ZNF676: variants seen among roughly 807,000 people sequenced by gnomAD.
The protein encoded by ZNF676 is zinc finger protein 676.
Under a neutral mutation model 6.0 loss-of-function variants are expected in ZNF676, and 4 were observed. That is an observed-to-expected ratio of 0.67 (90% confidence interval 0.33 to 1.53). The LOEUF (loss-of-function observed/expected upper bound fraction) is 1.53. ZNF676 is among the 40% of genes most tolerant of loss of function. The pLI is 0.06. For missense variants in ZNF676, 644 were observed against 679.7 expected (o/e 0.95, Z 0.58); for synonymous variants, 198 against 223.1 (o/e 0.89, Z 1.00).
chr19:22,181,063 A>T lies in ZNF676; in HGVS notation c.654T>A (p.Ile218=). The change falls in exon 3 of 3, where the codon ATT becomes ATA. Residue 218 remains isoleucine (I), a synonymous_variant. Transcript: ENST00000397121. ...ATTTGTAGGGTTTCTCTCCAGTATGAATTACCTTATGTTTAGTAAGGATTG... is the reference window on the plus strand; with the variant it reads ...ATTTGTAGGGTTTCTCTCCAGTATGTATTACCTTATGTTTAGTAAGGATTG... The part of the protein sequence containing the change: ...KFSILTKHKV[I]HTGEKPYKCE... The T allele has an allele frequency of 6.4e-7, 1 of 1,574,174 alleles. No individual in the cohort carries two copies. Among genetic ancestry groups the T allele is most frequent in the East Asian group, 2.3e-5 (1 of 42,750 alleles).
chr19:22,216,481 CAACA>C (rs376890907), upstream of ZNF676, among the ~76,000 whole-genome samples: 85 of 152,124 alleles, frequency 5.6e-4, 1 homozygote, highest in East Asian at 0.013. Flanking sequence ...AAAAACAAAA[CAACA>C]AAAAAGCTAA....
upstream of ZNF676, among the ~76,000 whole-genome samples, chr19:22,218,126 A>G (rs897063821): frequency 6.6e-6 from 1 of 152,012 alleles, no homozygotes; most frequent in Non-Finnish European, 1.5e-5. Context: ...CCATTTGTAT[A>G]TCTTCTTTTG....
chr19:22,244,934 C>T, the ZNF676 span: 6 of 152,222 alleles, frequency 3.9e-5, no homozygotes, highest in African/African-American at 1.4e-4. Flanking sequence ...TGTCACAATC[C>T]TCTTCTTTGG....
chr19:22,251,071 G>C, the ZNF676 span, among the ~76,000 whole-genome samples: 31 of 152,286 alleles, frequency 2.0e-4, no homozygotes, highest in African/African-American at 6.7e-4. Context: ...CCCAAGAAGA[G>C]AGAAATTCAC....
At chr19:22,218,991 T>TAAA, upstream of ZNF676, among the ~76,000 whole-genome samples, 1 of 151,206 alleles carries the variant, frequency 6.6e-6, no homozygotes, top group Middle Eastern at 3.4e-3. Flanking sequence ...GCTCTCTTTT[T>TAAA]ATTTTATATA....
At chr19:22,183,816 G>C (rs1233617880) in intron 2 of ZNF676, among the ~76,000 whole-genome samples, 1 of 152,082 alleles carries the variant, frequency 6.6e-6, no homozygotes, top group African/African-American at 2.4e-5. Context: ...TTAAGTCAAA[G>C]ACTCATATTT....
the ZNF676 span, among the ~76,000 whole-genome samples, chr19:22,257,299 A>G: frequency 6.6e-6 from 1 of 152,122 alleles, no homozygotes; most frequent in African/African-American, 2.4e-5. Flanking sequence ...CACAACCCCT[A>G]CAAGATAGAT....
chr19:22,234,611 C>T, the ZNF676 span, among the ~76,000 whole-genome samples: 2 of 152,140 alleles, frequency 1.3e-5, no homozygotes, highest in Non-Finnish European at 2.9e-5. Flanking sequence ...GAGTAGTTAT[C>T]TGCAGAAAAT....
intron 1 of ZNF676, among the ~76,000 whole-genome samples, chr19:22,205,731 G>C (rs1035012460): frequency 2.6e-5 from 4 of 151,890 alleles, no homozygotes; most frequent in African/African-American, 9.7e-5. Flanking sequence ...TTAACAACCT[G>C]ACATCATAAA....
At chr19:22,211,517 C>T (rs281176) in intron 1 of ZNF676, among the ~76,000 whole-genome samples, 64,361 of 151,898 alleles carry the variant, frequency 0.42, 14,443 homozygotes, top group African/African-American at 0.58. Context: ...AAGGTGCTTA[C>T]CTTTTGTACC....
the ZNF676 span, among the ~76,000 whole-genome samples, chr19:22,248,076 T>A: frequency 1.4e-4 from 1 of 7,294 alleles, no homozygotes; most frequent in Non-Finnish European, 1.1e-3. Context: ...GGAAACGAAC[T>A]CATCATTTTT....
At chr19:22,249,650 G>A in the ZNF676 span, among the ~76,000 whole-genome samples, 1 of 152,066 alleles carries the variant, frequency 6.6e-6, no homozygotes, top group African/African-American at 2.4e-5. Flanking sequence ...GACCTCAGGT[G>A]ATCCATCAGC....
chr19:22,239,697 C>A, the ZNF676 span, among the ~76,000 whole-genome samples: 1 of 152,288 alleles, frequency 6.6e-6, no homozygotes, highest in Admixed American at 6.5e-5. Context: ...GGTAGGAGCT[C>A]AGGCAGGAGA....
At chr19:22,209,237 G>A (rs1166603316) in intron 1 of ZNF676, among the ~76,000 whole-genome samples, 3 of 151,886 alleles carry the variant, frequency 2.0e-5, no homozygotes, top group Non-Finnish European at 4.4e-5. Context: ...ACTCCAGCCT[G>A]TGTGATACAG....
At chr19:22,244,261 C>G in the ZNF676 span, 1 of 152,140 alleles carries the variant, frequency 6.6e-6, no homozygotes, top group Admixed American at 6.6e-5. Context: ...CCAGGCTGCT[C>G]TCCAACTCCT....
intron 2 of ZNF676, 97 bp from the exon 3 acceptor site, chr19:22,181,683 C>A (rs745382393): frequency 2.8e-5 from 28 of 983,150 alleles, no homozygotes; most frequent in Non-Finnish European, 4.0e-5. Flanking sequence ...ACTACATAAG[C>A]AAGACGACAT....
chr19:22,216,624 T>TA, upstream of ZNF676, among the ~76,000 whole-genome samples: 1 of 152,050 alleles, frequency 6.6e-6, no homozygotes, highest in African/African-American at 2.4e-5. Context: ...CCTTTTTTTT[T>TA]AACTTGAAAC....
At chr19:22,216,868 G>A (rs1037575058), upstream of ZNF676, among the ~76,000 whole-genome samples, 4 of 150,938 alleles carry the variant, frequency 2.7e-5, no homozygotes, top group African/African-American at 9.8e-5. Context: ...CCAGGAGGTT[G>A]TGGCTGCAGT....
At chr19:22,207,589 A>G (rs2024088218) in intron 1 of ZNF676, among the ~76,000 whole-genome samples, 1 of 152,220 alleles carries the variant, frequency 6.6e-6, no homozygotes, top group Admixed American at 6.5e-5. Context: ...AACTAAAAAA[A>G]CAACTATTTT....
Sources: allele counts gnomAD v4.1 joint callset (sites outside exome capture counted in the v4.1 genomes callset), GRCh38; gene constraint gnomAD v4.1.1; transcripts MANE v1.5; gene names NCBI Gene and HGNC (gene_info 2026-07-23, HGNC 2026-07-21).